LRRC4C: variants seen among roughly 807,000 people sequenced by gnomAD.
LRRC4C encodes the protein leucine rich repeat containing 4C, also known as leucine-rich repeat-containing protein 4C.
Under a neutral mutation model 33.6 loss-of-function variants are expected in LRRC4C, and 5 were observed. That is an observed-to-expected ratio of 0.15 (90% CI 0.08 to 0.31). The LOEUF (loss-of-function observed/expected upper bound fraction) is 0.31, where lower values mean the gene tolerates loss of function less well. LRRC4C is among the 10% of genes least tolerant of loss of function. The probability of loss-of-function intolerance (pLI) is 1.00; values close to 1 mark genes in which losing one functional copy is unlikely to be tolerated. For synonymous variants in LRRC4C, 329 were observed against 302.0 expected (o/e 1.09, Z -0.93); for missense variants, 560 against 796.7 (o/e 0.70, Z 3.58).
chr11:40,694,315 A>G (rs1565642838), intron 2 of LRRC4C, among the ~76,000 whole-genome samples: 1 of 152,158 alleles, frequency 6.6e-6, no homozygotes, highest in Non-Finnish European at 1.5e-5. Context: ...GAGAAAATAA[A>G]TAGTGAATAG....
chr11:40,335,419 CT>C (rs1946553358), intron 3 of LRRC4C, among the ~76,000 whole-genome samples: 5 of 152,270 alleles, frequency 3.3e-5, no homozygotes, highest in Admixed American at 6.5e-5. Context: ...TATCAAAGGG[CT>C]TTTCTAACAC....
chr11:40,892,661 T>C (rs1955772541), intron 2 of LRRC4C, among the ~76,000 whole-genome samples: 1 of 152,182 alleles, frequency 6.6e-6, no homozygotes, highest in Non-Finnish European at 1.5e-5. Flanking sequence ...TTTGAAAACA[T>C]TATGCTTAGT....
chr11:41,061,726 G>C (rs967139278), intron 1 of LRRC4C, among the ~76,000 whole-genome samples: 3 of 152,174 alleles, frequency 2.0e-5, no homozygotes, highest in Non-Finnish European at 4.4e-5. Context: ...TACTATCATG[G>C]GCAGCACATA....
At chr11:40,600,787 A>G (rs114390534) in intron 3 of LRRC4C, among the ~76,000 whole-genome samples, 2,423 of 152,342 alleles carry the variant, frequency 0.016, 71 homozygotes, top group African/African-American at 0.055. Context: ...AGACTAAATA[A>G]GAAACCATCT....
chr11:40,417,444 G>T (rs531832128), intron 3 of LRRC4C, among the ~76,000 whole-genome samples: 1 of 151,888 alleles, frequency 6.6e-6, no homozygotes, highest in African/African-American at 2.4e-5. Context: ...TGATTCTCCT[G>T]CCTCAGCCTC....
intron 2 of LRRC4C, among the ~76,000 whole-genome samples, chr11:40,922,874 G>T (rs2136377598): frequency 6.6e-6 from 1 of 152,180 alleles, no homozygotes; most frequent in African/African-American, 2.4e-5. Context: ...TGTATAGGCT[G>T]GTGCACAGTG....
chr11:41,444,944 C>T lies in LRRC4C; in HGVS notation c.-496+14487G>A, dbSNP rs1348942915. ...TCAGCCTCCCGAATAGCTAGGATCA[C>T]AGGCATGCATCACCACGCCCGGCTA... On this transcript the variant is annotated intron_variant, in intron 1 of 6. Coordinates refer to ENST00000528697, the MANE Select transcript of LRRC4C (RefSeq NM_001258419.2). Among the ~76,000 whole-genome samples, 5 of 152,114 alleles carry T rather than the reference C, an allele frequency of 3.3e-5. No individual in the cohort carries two copies. In the East Asian group the frequency reaches 7.8e-4, roughly 24 times the overall value.
At chr11:41,139,819 T>G (rs1193543273) in intron 1 of LRRC4C, among the ~76,000 whole-genome samples, 1 of 152,176 alleles carries the variant, frequency 6.6e-6, no homozygotes, top group Non-Finnish European at 1.5e-5. Flanking sequence ...GTGGGGATAC[T>G]GCTAGCCTCC....
chr11:40,187,832 C>G (rs1016687265), intron 5 of LRRC4C, among the ~76,000 whole-genome samples: 3 of 152,034 alleles, frequency 2.0e-5, no homozygotes, highest in African/African-American at 7.2e-5. Flanking sequence ...AACAGACACT[C>G]TCACTCCAGA....
intron 1 of LRRC4C, among the ~76,000 whole-genome samples, chr11:41,448,398 C>T (rs933107341): frequency 2.0e-5 from 3 of 150,224 alleles, no homozygotes; most frequent in African/African-American, 7.4e-5. Context: ...CTCCACCTCC[C>T]AGGTTCAAGC....
At chr11:41,400,572 A>C (rs1565643174) in intron 1 of LRRC4C, among the ~76,000 whole-genome samples, 1 of 52,978 alleles carries the variant, frequency 1.9e-5, no homozygotes, top group Non-Finnish European at 3.6e-5. Context: ...GAAGGAGAAG[A>C]AATAGGAGAT....
At chr11:41,228,587 T>A (rs1947646169) in intron 1 of LRRC4C, among the ~76,000 whole-genome samples, 1 of 152,130 alleles carries the variant, frequency 6.6e-6, no homozygotes, top group Admixed American at 6.6e-5. Flanking sequence ...TAGAACTAGG[T>A]GAATATTTGT....
At chr11:41,228,609 C>A (rs1204158785) in intron 1 of LRRC4C, among the ~76,000 whole-genome samples, 1 of 152,066 alleles carries the variant, frequency 6.6e-6, no homozygotes, top group Non-Finnish European at 1.5e-5. Flanking sequence ...TTTAATTAAA[C>A]AATGTGTGGA....
chr11:41,414,562 A>G (rs1259133524), intron 1 of LRRC4C, among the ~76,000 whole-genome samples: 1 of 151,942 alleles, frequency 6.6e-6, no homozygotes, highest in Non-Finnish European at 1.5e-5. Context: ...TCTTCCATTA[A>G]AGTCTGTAAT....
chr11:40,972,272 G>GCTACTGC (rs1851779488), intron 1 of LRRC4C, among the ~76,000 whole-genome samples: 1 of 152,004 alleles, frequency 6.6e-6, no homozygotes, highest in African/African-American at 2.4e-5. Context: ...CAGTAGCTGG[G>GCTACTGC]ATTACAAGCA....
At chr11:41,346,117 T>A (rs1285098852) in intron 1 of LRRC4C, among the ~76,000 whole-genome samples, 4 of 152,168 alleles carry the variant, frequency 2.6e-5, no homozygotes, top group South Asian at 2.1e-4. Flanking sequence ...ACAAATTATA[T>A]TCTATATCAG....
At chr11:40,890,451 G>C (rs1166446182) in intron 2 of LRRC4C, among the ~76,000 whole-genome samples, 5 of 152,058 alleles carry the variant, frequency 3.3e-5, no homozygotes, top group African/African-American at 2.4e-5. Flanking sequence ...GAGGGCAAAG[G>C]CCTCATGACC....
At chr11:40,519,501 C>T (rs1167966389) in intron 3 of LRRC4C, among the ~76,000 whole-genome samples, 1 of 152,166 alleles carries the variant, frequency 6.6e-6, no homozygotes, top group African/African-American at 2.4e-5. Context: ...TTTTCTTCTG[C>T]TGCTTCCTCC....
chr11:40,778,866 G>A (rs1223538154), intron 2 of LRRC4C, among the ~76,000 whole-genome samples: 11 of 152,182 alleles, frequency 7.2e-5, no homozygotes, highest in African/African-American at 2.7e-4. Context: ...AAGGGGTAGG[G>A]AATGAGATTG....
Sources: allele counts gnomAD v4.1 joint callset (sites outside exome capture counted in the v4.1 genomes callset), GRCh38; gene constraint gnomAD v4.1.1; transcripts MANE v1.5; gene names NCBI Gene and HGNC (gene_info 2026-07-23, HGNC 2026-07-21).